GRM8: variants seen among roughly 807,000 people sequenced by gnomAD.
The protein encoded by GRM8 is metabotropic glutamate receptor 8.
A neutral mutation model predicts 87.2 loss-of-function variants in GRM8; 47 were observed. That is an observed-to-expected ratio of 0.54 (90% CI 0.43 to 0.69). The LOEUF (loss-of-function observed/expected upper bound fraction) is 0.69. Among genes scored for constraint, GRM8 ranks in the 30% least tolerant of loss-of-function variants. The pLI, the probability that GRM8 is intolerant of heterozygous loss-of-function variation, is 0.00. For missense variants in GRM8, 1,019 were observed against 1,139.2 expected, an observed-to-expected ratio of 0.89 and a Z score of 1.52; for synonymous variants, 396 against 404.5, an observed-to-expected ratio of 0.98 and a Z score of 0.25.
At chr7:126,991,138 A>G (rs1043959659) in intron 3 of GRM8, among the ~76,000 whole-genome samples, 2 of 152,118 alleles carry the variant, frequency 1.3e-5, no homozygotes, top group Non-Finnish European at 2.9e-5. Context: ...CCAGCACAAG[A>G]TAGACTGAAA....
chr7:126,764,078 A>G (rs11761617), intron 7 of GRM8, among the ~76,000 whole-genome samples: 55,993 of 151,748 alleles, frequency 0.37, 11,724 homozygotes, highest in Non-Finnish European at 0.47. Context: ...TTAATGTTAC[A>G]TTTTATCTTT....
intron 3 of GRM8, among the ~76,000 whole-genome samples, chr7:126,958,276 G>A (rs1279747132): frequency 6.6e-6 from 1 of 152,082 alleles, no homozygotes; most frequent in Non-Finnish European, 1.5e-5. Flanking sequence ...GCTGAAAAAC[G>A]CCCCCCACTC....
At chr7:127,163,010 G>A (rs895496749) in intron 2 of GRM8, among the ~76,000 whole-genome samples, 9 of 152,108 alleles carry the variant, frequency 5.9e-5, no homozygotes, top group African/African-American at 2.2e-4. Flanking sequence ...AATAGATCCG[G>A]GGTCTGGGGT....
chr7:126,965,562 T>A (rs952291201), intron 3 of GRM8, among the ~76,000 whole-genome samples: 2 of 152,170 alleles, frequency 1.3e-5, no homozygotes, highest in Non-Finnish European at 2.9e-5. Context: ...ATTTTTAGTA[T>A]AATAAAGTTA....
At chr7:127,078,154 A>G (rs1391265891) in intron 3 of GRM8, among the ~76,000 whole-genome samples, 1 of 152,244 alleles carries the variant, frequency 6.6e-6, no homozygotes, top group Non-Finnish European at 1.5e-5. Context: ...CCCTCCTTAG[A>G]ACGTGGCAAT....
chr7:126,538,310 G>T lies in GRM8; in HGVS notation c.1495-4423C>A, dbSNP rs138084816. Among the ~76,000 whole-genome samples the T allele has an allele frequency of 9.7e-3, 1,469 of 152,160 alleles. 20 individuals are homozygous for T. Among genetic ancestry groups the T allele is most frequent in the African/African-American group, 0.033 (1,376 of 41,528 alleles). On this transcript the variant is annotated intron_variant, in intron 8 of 10. Coordinates refer to ENST00000339582, the MANE Select transcript of GRM8 (RefSeq NM_000845.3). Reference sequence around the variant, plus strand: ...TACTGTTTTATAAACTCTTTAAAAAGAATATAATTTTTAGAGAATAATTTT... The same window carrying T: ...TACTGTTTTATAAACTCTTTAAAAATAATATAATTTTTAGAGAATAATTTT...
intron 7 of GRM8, among the ~76,000 whole-genome samples, chr7:126,721,017 T>C (rs1812336173): frequency 6.6e-6 from 1 of 152,196 alleles, no homozygotes; most frequent in South Asian, 2.1e-4. Flanking sequence ...ACATAAAATG[T>C]TTTCTGCTCT....
chr7:126,995,143 C>G (rs1813056937), intron 3 of GRM8, among the ~76,000 whole-genome samples: 1 of 152,188 alleles, frequency 6.6e-6, no homozygotes, highest in Non-Finnish European at 1.5e-5. Context: ...TCTAAGACCA[C>G]CTAGGTGGTA....
chr7:126,633,482 T>C (rs1801547729), intron 7 of GRM8, among the ~76,000 whole-genome samples: 1 of 152,174 alleles, frequency 6.6e-6, no homozygotes, highest in Non-Finnish European at 1.5e-5. Flanking sequence ...TTGGTCTGTG[T>C]CTATAGATAG....
At chr7:126,878,939 G>A (rs1428704153) in intron 6 of GRM8, among the ~76,000 whole-genome samples, 2 of 151,540 alleles carry the variant, frequency 1.3e-5, no homozygotes, top group African/African-American at 2.4e-5. Context: ...GAGGCAGGTC[G>A]ATCACCTGAG....
chr7:126,940,254 C>G (rs970258372), intron 3 of GRM8, among the ~76,000 whole-genome samples: 6 of 152,188 alleles, frequency 3.9e-5, no homozygotes, highest in African/African-American at 1.4e-4. Context: ...ATTGTTTTAT[C>G]TTTATTTTTT....
intron 2 of GRM8, among the ~76,000 whole-genome samples, chr7:127,119,237 C>G (rs1412509118): frequency 6.6e-6 from 1 of 152,118 alleles, no homozygotes; most frequent in Admixed American, 6.5e-5. Flanking sequence ...ACCTGTAATC[C>G]CAGCACTTTG....
In GRM8 at chr7:127,057,403, C is replaced by A. The variant is rs539796810; in HGVS notation, c.727+49093G>T. Among the ~76,000 whole-genome samples, 135 of 152,180 alleles carry A rather than the reference C, an allele frequency of 8.9e-4. 1 individual carries two copies. Among genetic ancestry groups the A allele is most frequent in the African/African-American group, 3.1e-3 (127 of 41,520 alleles). ...ATAGTAACCTAGATTTATATAACAA[C>A]ATTTGTTCCAAACAACATTTGCATA... On this transcript the variant is annotated intron_variant, in intron 3 of 10. Transcript: ENST00000339582.
chr7:126,990,297 A>C (rs1812524156), intron 3 of GRM8, among the ~76,000 whole-genome samples: 1 of 150,954 alleles, frequency 6.6e-6, no homozygotes, highest in Non-Finnish European at 1.5e-5. Flanking sequence ...AGCAAAACCC[A>C]CCAGAGGGTT....
intron 9 of GRM8, among the ~76,000 whole-genome samples, chr7:126,513,151 G>A (rs1811652046): frequency 6.6e-6 from 1 of 151,970 alleles, no homozygotes; most frequent in South Asian, 2.1e-4. Context: ...GGTCTAATAT[G>A]TTGTACCAAA....
At chr7:126,469,459 T>C (rs1303991836) in intron 9 of GRM8, among the ~76,000 whole-genome samples, 1 of 152,092 alleles carries the variant, frequency 6.6e-6, no homozygotes, top group Non-Finnish European at 1.5e-5. Context: ...CCCACCCAAA[T>C]ATCATTTTGA....
chr7:127,230,444 C>T (rs1797613433), intron 2 of GRM8, among the ~76,000 whole-genome samples: 1 of 152,112 alleles, frequency 6.6e-6, no homozygotes, highest in Admixed American at 6.5e-5. Context: ...GAAGACTCTT[C>T]CTCCTCTCCC....
At chr7:127,221,590 G>A (rs1475825456) in intron 2 of GRM8, among the ~76,000 whole-genome samples, 1 of 152,178 alleles carries the variant, frequency 6.6e-6, no homozygotes, top group Non-Finnish European at 1.5e-5. Flanking sequence ...CACAGGATCA[G>A]GCTCAGAATG....
At chr7:127,158,194 T>C (rs1250298745) in intron 2 of GRM8, among the ~76,000 whole-genome samples, 1 of 152,148 alleles carries the variant, frequency 6.6e-6, no homozygotes, top group Non-Finnish European at 1.5e-5. Context: ...TTCAGAGATG[T>C]CCTTACCCCA....
Sources: allele counts gnomAD v4.1 joint callset (sites outside exome capture counted in the v4.1 genomes callset), GRCh38; gene constraint gnomAD v4.1.1; transcripts MANE v1.5; gene names NCBI Gene and HGNC (gene_info 2026-07-23, HGNC 2026-07-21).